The following TNPO2 variants were observed in gnomAD, a reference collection of about 807,000 sequenced individuals.
The protein encoded by TNPO2 is transportin-2.
A neutral mutation model predicts 111.1 loss-of-function variants in TNPO2; 16 were observed. The ratio of observed to expected loss-of-function variants is 0.14; its 90% CI spans 0.10 to 0.22. TNPO2 has a LOEUF of 0.22. TNPO2 is among the 10% of genes least tolerant of loss of function. The probability of loss-of-function intolerance (pLI) is 1.00; values close to 1 mark genes in which losing one functional copy is unlikely to be tolerated. For missense variants in TNPO2, 530 were observed against 1,173.7 expected, an observed-to-expected ratio of 0.45 and a Z score of 8.01; for synonymous variants, 481 against 475.8, an observed-to-expected ratio of 1.01 and a Z score of -0.14.
rs1408640583 is a variant in TNPO2 at position 12,702,815 on chromosome 19, G to T, written c.2305+8C>A. On this transcript the variant is annotated splice_region_variant and intron_variant, in intron 21 of 25. Coordinates refer to ENST00000425528, the MANE Select transcript of TNPO2 (RefSeq NM_001382241.1). The surrounding 1 kb of genome is among the most constrained non-coding windows in gnomAD (Gnocchi z 5.5). ...GGGGTGCAGGCAGCAGCCGGGCCAG[G>T]TGCCCACCTGTGTTTTCCAGCAGTG... The T allele has an allele frequency of 2.5e-6, 4 of 1,613,474 alleles. No homozygotes were observed. Among genetic ancestry groups the T allele is most frequent in the East Asian group, 4.5e-5 (2 of 44,878 alleles).
rs781740087 is a variant in TNPO2 at position 12,701,335 on chromosome 19, T to A, written c.*11A>T. ...GCTGCAGTCTCCTTACCTGGCAGTCTCCATGATCACCTAGACCCCATAGAA... is the reference window on the plus strand; with the variant it reads ...GCTGCAGTCTCCTTACCTGGCAGTCACCATGATCACCTAGACCCCATAGAA... On this transcript the variant is annotated 3_prime_UTR_variant, in exon 25 of 26. Transcript: ENST00000425528. The surrounding 1 kb of genome is among the most constrained non-coding windows in gnomAD (Gnocchi z 5.0). 2.8e-5 allele frequency: 45 copies of A among 1,609,462 alleles called. No individual in the cohort carries two copies. In the South Asian group the frequency reaches 3.2e-4, roughly 11 times the overall value.
At position 12,699,362 on chromosome 19, in the gene TNPO2, G is replaced by A. The variant is rs755968082; in HGVS notation, c.*1902C>T. On this transcript the variant is annotated 3_prime_UTR_variant, in exon 26 of 26. Transcript: ENST00000425528. The stretch of plus-strand genomic sequence containing the variant: ...AAAGAGGGACTGTGGCTCAAGGCCA[G>A]TCTGGGTCCACAGCCCTGGGTAGGG... 1.2e-5 allele frequency: 4 copies of A among 344,936 alleles called. No homozygotes were observed. Among genetic ancestry groups the A allele is most frequent in the South Asian group, 8.6e-5 (4 of 46,654 alleles). The allele number at this position is 344,936 out of a possible 1,614,324, so 21.4% of individuals were successfully genotyped here.
At chr19:12,712,043 GT>G in intron 10 of TNPO2, among the ~76,000 whole-genome samples, 1 of 152,226 alleles carries the variant, frequency 6.6e-6, no homozygotes, top group East Asian at 1.9e-4. Flanking sequence ...TTAATCATTA[GT>G]TTGTAGCAAT....
intron 13 of TNPO2, among the ~76,000 whole-genome samples, chr19:12,708,285 C>G (rs1005087699): frequency 7.9e-5 from 12 of 152,068 alleles, no homozygotes; most frequent in Non-Finnish European, 1.5e-4. Flanking sequence ...GTATGCACCA[C>G]CACACCTGGC....
In TNPO2 at chr19:12,715,261, A is replaced by G. The variant is rs1202814169; in HGVS notation, c.630T>C (p.Asn210=). The G allele has an allele frequency of 1.2e-6, 2 of 1,613,226 alleles. No homozygotes were observed. The highest frequency in any genetic ancestry group is 2.2e-5 in the East Asian group (1 of 44,856). The stretch of plus-strand genomic sequence containing the variant: ...GGCCCACCTCGATGAAGGTGTCAAT[A>G]TTGTCCATCAGCGCCTGGGCCCGGT... ...IMDRAQALMD[N]IDTFIEHLFA... The change falls in exon 8 of 26, where the codon AAT becomes AAC. Residue 210 remains asparagine (N), a synonymous_variant. Transcript: ENST00000425528. The surrounding 1 kb of genome is among the most constrained non-coding windows in gnomAD (Gnocchi z 7.1).
At position 12,711,628 on chromosome 19, in the gene TNPO2, ACT is replaced by A; in HGVS notation, c.891-17_891-16del. The A allele has an allele frequency of 2.5e-6, 4 of 1,612,032 alleles. No individual in the cohort carries two copies. The highest frequency in any genetic ancestry group is 2.5e-6 in the Non-Finnish European group (3 of 1,179,086). On this transcript the variant is annotated splice_polypyrimidine_tract_variant and intron_variant, in intron 10 of 25. Transcript: ENST00000425528. ...TGGGGATCAACCTGCACAGAGAGGG[ACT>A]GTTTATGGGGATGCAGGGGCCGTGG...
Position 12,701,737 on chromosome 19 carries a change from C to T in TNPO2, c.2511+15G>A. On this transcript the variant is annotated intron_variant, in intron 23 of 25. Coordinates refer to ENST00000425528, the MANE Select transcript of TNPO2 (RefSeq NM_001382241.1). This position sits in a 1 kb window ranked among gnomAD's most constrained non-coding sequence, Gnocchi z 5.0. The stretch of plus-strand genomic sequence containing the variant: ...CCAGCGCCCGCGCCTGCCCTCAGAG[C>T]CCAGCTGCCCCAACCTGCACAACGC... 1 of 1,613,508 alleles carries T rather than the reference C, an allele frequency of 6.2e-7. No individual in the cohort carries two copies. Among genetic ancestry groups the T allele is most frequent in the East Asian group, 2.2e-5 (1 of 44,884 alleles).
Position 12,700,971 on chromosome 19 carries a change from C to T in TNPO2, c.*293G>A. On this transcript the variant is annotated 3_prime_UTR_variant, in exon 26 of 26. Coordinates refer to ENST00000425528, the MANE Select transcript of TNPO2 (RefSeq NM_001382241.1). ...AATTCCTCCCTCCCACGTAGCTGGCCCAAGTGGGCTGCCAGAGATGACCCT... is the reference window on the plus strand; with the variant it reads ...AATTCCTCCCTCCCACGTAGCTGGCTCAAGTGGGCTGCCAGAGATGACCCT... The T allele has an allele frequency of 4.5e-6, 1 of 224,330 alleles. No individual in the cohort carries two copies. The allele number at this position is 224,330 out of a possible 1,614,324, so 13.9% of individuals were successfully genotyped here.
At chr19:12,703,950 C>A in intron 18 of TNPO2, 149 bp from the exon 19 acceptor site, 1 of 677,750 alleles carries the variant, frequency 1.5e-6, no homozygotes, top group South Asian at 1.9e-5. Context: ...AGCCTCCAGC[C>A]CACATCTGCA....
At chr19:12,708,448 A>G (rs1164869446) in intron 13 of TNPO2, among the ~76,000 whole-genome samples, 1 of 146,954 alleles carries the variant, frequency 6.8e-6, no homozygotes, top group African/African-American at 2.6e-5. Flanking sequence ...TTTTTTTTTA[A>G]AATATCACGA....
intron 2 of TNPO2, chr19:12,722,373 C>A (rs1414817473): frequency 6.7e-6 from 1 of 149,750 alleles, no homozygotes; most frequent in African/African-American, 2.5e-5. Flanking sequence ...CCCGGTCGGG[C>A]GCGGCCCCGA....
chr19:12,713,763 C>T (rs755548081), intron 10 of TNPO2, among the ~76,000 whole-genome samples: 11 of 152,032 alleles, frequency 7.2e-5, no homozygotes, highest in Admixed American at 3.9e-4. Context: ...TACAGTGGCT[C>T]GCACCTGTAA....
rs773985173 is a variant in TNPO2, at chr19:12,701,714, A to G, written c.2511+38T>C. 11 of 1,613,094 alleles carry G rather than the reference A, an allele frequency of 6.8e-6. 1 individual carries two copies. Among genetic ancestry groups the G allele is most frequent in the Non-Finnish European group, 9.3e-6 (11 of 1,179,396 alleles). ...CCCAGGTGAGGGGCCGCCCGAGCCC[A>G]GCGCCCGCGCCTGCCCTCAGAGCCC... On this transcript the variant is annotated intron_variant, in intron 23 of 25. Transcript: ENST00000425528. The surrounding 1 kb of genome is among the most constrained non-coding windows in gnomAD (Gnocchi z 5.0).
Position 12,706,102 on chromosome 19 carries a change from C to T in TNPO2, c.1668+94G>A, listed in dbSNP as rs1320042751. 10 of 1,439,720 alleles carry T rather than the reference C, an allele frequency of 6.9e-6. No homozygotes were observed. The highest frequency in any genetic ancestry group is 9.4e-6 in the Non-Finnish European group (10 of 1,066,740). The allele number at this position is 1,439,720 out of a possible 1,614,324, so 89.2% of individuals were successfully genotyped here. A position where few individuals can be genotyped will look rare whatever the true frequency, so the allele number is the denominator to read the frequency against. ...GTCTGTCTGCCTGTCGAGGTCACGG[C>T]CACGTCCCTGGCGTGCAACACGGGG... On this transcript the variant is annotated intron_variant, in intron 15 of 25. Transcript: ENST00000425528. This position sits in a 1 kb window ranked among gnomAD's most constrained non-coding sequence, Gnocchi z 7.0.
Position 12,705,314 on chromosome 19 carries a change from C to T in TNPO2, c.1948G>A (p.Glu650Lys). 6.3e-7 allele frequency: 1 copy of T among 1,596,838 alleles called. No homozygotes were observed. The highest frequency in any genetic ancestry group is 8.5e-7 in the Non-Finnish European group (1 of 1,171,918). The change falls in exon 18 of 26, where the codon GAG becomes AAG. Residue 650 changes from glutamate to lysine, a missense_variant. Glu to Lys is a moderately conservative substitution (Grantham distance 56). Transcript: ENST00000425528. The surrounding 1 kb of genome is among the most constrained non-coding windows in gnomAD (Gnocchi z 7.2). Reference sequence around the variant, plus strand: ...TGCTCCACGTGACCACCCAGGCCCTCGGCCAGGCCGCTGAGCAGATCCAGT... The same window carrying T: ...TGCTCCACGTGACCACCCAGGCCCTTGGCCAGGCCGCTGAGCAGATCCAGT... ...VALDLLSGLA[E>K]GLGGHVEQLV...
intron 20 of TNPO2, 140 bp from the exon 21 acceptor site, chr19:12,703,058 C>A: frequency 1.4e-6 from 1 of 737,746 alleles, no homozygotes; most frequent in South Asian, 1.7e-5. Context: ...AAAAGACCTT[C>A]TCCGGCTAAT....
At position 12,706,140 on chromosome 19, in the gene TNPO2, C is replaced by A; in HGVS notation, c.1668+56G>T. ...GTGCAACACGGGGTTGCCACCAGGTCACTGGATGCCCAGGGGCACGGGGAT... is the reference window on the plus strand; with the variant it reads ...GTGCAACACGGGGTTGCCACCAGGTAACTGGATGCCCAGGGGCACGGGGAT... On this transcript the variant is annotated intron_variant, in intron 15 of 25. Transcript: ENST00000425528. This position sits in a 1 kb window ranked among gnomAD's most constrained non-coding sequence, Gnocchi z 7.0. The A allele has an allele frequency of 1.3e-6, 2 of 1,579,700 alleles. No homozygotes were observed. The highest frequency in any genetic ancestry group is 1.2e-5 in the South Asian group (1 of 86,578).
At position 12,721,337 on chromosome 19, in the gene TNPO2, AGCGGCTGGGCGAGG is replaced by A. The variant is rs1430829029; in HGVS notation, c.-13-361_-13-348del. 7.9e-7 allele frequency: 1 copy of A among 1,269,184 alleles called. No individual in the cohort carries two copies. The highest frequency in any genetic ancestry group is 1.6e-5 in the African/African-American group (1 of 63,336). The allele number at this position is 1,269,184 out of a possible 1,614,324, so 78.6% of individuals were successfully genotyped here. ...GCCCGAAGGCTTCCACCTCCCTCGC[AGCGGCTGGGCGAGG>A]GCCCAGCCGCCTCCACATCCAGGGG... On this transcript the variant is annotated intron_variant, in intron 2 of 25. Transcript: ENST00000425528. The surrounding 1 kb of genome is among the most constrained non-coding windows in gnomAD (Gnocchi z 4.9).
At position 12,705,668 on chromosome 19, in the gene TNPO2, A is replaced by T; in HGVS notation, c.1755+14T>A. 2 of 1,545,970 alleles carry T rather than the reference A, an allele frequency of 1.3e-6. No individual in the cohort carries two copies. On this transcript the variant is annotated intron_variant, in intron 16 of 25. Transcript: ENST00000425528. This position sits in a 1 kb window ranked among gnomAD's most constrained non-coding sequence, Gnocchi z 7.2. Reference sequence around the variant, plus strand: ...GCAGGATGGGTTTCGGGTGAGGGGCAGGAGCCCACTCACCTCCAGCAGGGG... The same window carrying T: ...GCAGGATGGGTTTCGGGTGAGGGGCTGGAGCCCACTCACCTCCAGCAGGGG...
Sources: gnomAD v4.1 joint callset for allele counts (sites outside exome capture counted in the v4.1 genomes callset) on GRCh38, gnomAD v4.1.1 for gene constraint, Gnocchi (gnomAD v3.1) non-coding constraint, MANE v1.5 for transcripts, NCBI Gene and HGNC (gene_info 2026-07-23, HGNC 2026-07-21) for gene names.